The following MTUS2 variants were observed in gnomAD, a reference collection of about 807,000 sequenced individuals.
MTUS2 encodes microtubule-associated tumor suppressor candidate 2.
A neutral mutation model predicts 114.1 loss-of-function variants in MTUS2; 40 were observed. That is an observed-to-expected ratio of 0.35 (90% CI 0.27 to 0.46). The LOEUF is 0.46. MTUS2 is among the 20% of genes least tolerant of loss of function. MTUS2 has a pLI of 1.00. For synonymous variants in MTUS2, 688 were observed against 672.0 expected (o/e 1.02, Z -0.37); for missense variants, 1,679 against 1,705.4 (o/e 0.98, Z 0.27).
chr13:29,168,070 T>C (rs1488724072), intron 5 of MTUS2, among the ~76,000 whole-genome samples: 4 of 152,340 alleles, frequency 2.6e-5, no homozygotes, highest in African/African-American at 9.6e-5. Context: ...ACACATTTAA[T>C]GTTTATATTA....
At chr13:29,397,333 C>G (rs1873981349) in intron 8 of MTUS2, among the ~76,000 whole-genome samples, 1 of 152,206 alleles carries the variant, frequency 6.6e-6, no homozygotes, top group South Asian at 2.1e-4. Flanking sequence ...CCTGCAGTCC[C>G]TCTTCAATGC....
chr13:29,359,611 C>T, intron 8 of MTUS2, 138 bp downstream of exon 8: 1 of 941,810 alleles, frequency 1.1e-6, no homozygotes, highest in Non-Finnish European at 1.6e-6. Context: ...GGAGTTCAGG[C>T]AGAATCTCCT....
rs966572449 is a variant in MTUS2, at chr13:29,318,242, A to G, written c.2807-6371A>G. Among the ~76,000 whole-genome samples, 5 of 150,470 alleles carry G rather than the reference A, an allele frequency of 3.3e-5. No homozygotes were observed. In the South Asian group the frequency reaches 1.0e-3, roughly 31 times the overall value. ...CTATTGTATGTGAGATTAAGAGCCT[A>G]TAAAAATGTTTTAGGTTTTTTTTTT... On this transcript the variant is annotated intron_variant, in intron 6 of 15. Transcript: ENST00000612955.
chr13:29,157,791 G>T (rs1035443561), intron 5 of MTUS2, among the ~76,000 whole-genome samples: 3 of 151,678 alleles, frequency 2.0e-5, no homozygotes, highest in African/African-American at 4.8e-5. Context: ...TATATATATA[G>T]ATAGATAGAT....
intron 8 of MTUS2, 101 bp downstream of exon 8, chr13:29,359,574 T>TCGA (rs1870059701): frequency 1.5e-6 from 2 of 1,344,818 alleles, no homozygotes; most frequent in Non-Finnish European, 2.0e-6. Context: ...GGTTTGAGTT[T>TCGA]TGATCAGAGT....
At chr13:29,198,360 C>T (rs1593590349) in intron 5 of MTUS2, among the ~76,000 whole-genome samples, 1 of 152,048 alleles carries the variant, frequency 6.6e-6, no homozygotes, top group Non-Finnish European at 1.5e-5. Context: ...TGTCAGGTTT[C>T]TCAAAGACCA....
At chr13:28,891,690 C>G (rs1878932482) in intron 2 of MTUS2, among the ~76,000 whole-genome samples, 1 of 151,728 alleles carries the variant, frequency 6.6e-6, no homozygotes, top group Non-Finnish European at 1.5e-5. Flanking sequence ...CTACCCTGAC[C>G]AACATGGTGA....
chr13:28,918,224 C>G (rs760833012), intron 2 of MTUS2, among the ~76,000 whole-genome samples: 2 of 151,844 alleles, frequency 1.3e-5, no homozygotes, highest in Non-Finnish European at 1.5e-5. Flanking sequence ...TCAGATGTTT[C>G]TTTGTTGATT....
intron 2 of MTUS2, among the ~76,000 whole-genome samples, chr13:28,995,945 T>C (rs1417198799): frequency 6.6e-6 from 1 of 152,064 alleles, no homozygotes; most frequent in Non-Finnish European, 1.5e-5. Flanking sequence ...TGAATAGGAG[T>C]GGTGACAGAG....
intron 2 of MTUS2, among the ~76,000 whole-genome samples, chr13:28,896,916 G>T (rs1879308923): frequency 6.6e-6 from 1 of 152,178 alleles, no homozygotes; most frequent in South Asian, 2.1e-4. Flanking sequence ...ATGGATTTAA[G>T]ACTTACATGT....
chr13:29,273,622 G>T (rs1297075982), intron 5 of MTUS2, among the ~76,000 whole-genome samples: 1 of 152,102 alleles, frequency 6.6e-6, no homozygotes, highest in Non-Finnish European at 1.5e-5. Flanking sequence ...ATATTCACAA[G>T]GTTATGCAAT....
At chr13:29,141,999 A>G (rs975183850) in intron 5 of MTUS2, among the ~76,000 whole-genome samples, 2 of 151,842 alleles carry the variant, frequency 1.3e-5, no homozygotes, top group Middle Eastern at 6.8e-3. Context: ...AGCTGGGACT[A>G]CAGGCACCCA....
chr13:28,857,868 T>C (rs928771092), intron 2 of MTUS2, among the ~76,000 whole-genome samples: 1 of 152,192 alleles, frequency 6.6e-6, no homozygotes. Flanking sequence ...TTCCATTCTT[T>C]CCAGAGATCC....
intron 5 of MTUS2, among the ~76,000 whole-genome samples, chr13:29,272,925 G>T (rs1310456040): frequency 1.3e-5 from 2 of 152,190 alleles, no homozygotes; most frequent in African/African-American, 4.8e-5. Context: ...TCTATTGAGG[G>T]CTGCACCCTC....
intron 5 of MTUS2, among the ~76,000 whole-genome samples, chr13:29,227,014 T>C (rs1286170456): frequency 2.0e-5 from 3 of 152,084 alleles, no homozygotes; most frequent in African/African-American, 7.2e-5. Flanking sequence ...TCCTAGCACT[T>C]TGGGAGGCTG....
At chr13:29,033,282 G>A (rs534514104) in intron 3 of MTUS2, among the ~76,000 whole-genome samples, 1 of 152,302 alleles carries the variant, frequency 6.6e-6, no homozygotes, top group African/African-American at 2.4e-5. Flanking sequence ...GACCAGAGGA[G>A]ATAACTCAGG....
intron 1 of MTUS2, among the ~76,000 whole-genome samples, chr13:28,835,078 T>C (rs1874977276): frequency 6.6e-6 from 1 of 152,218 alleles, no homozygotes; most frequent in Admixed American, 6.5e-5. Context: ...GACTGTGCAA[T>C]GGTACAGCCA....
chr13:28,944,326 A>G (rs1272537769), intron 2 of MTUS2, among the ~76,000 whole-genome samples: 1 of 152,158 alleles, frequency 6.6e-6, no homozygotes, highest in African/African-American at 2.4e-5. Flanking sequence ...TATTTCTTCT[A>G]AGTGTATAGA....
intron 9 of MTUS2, among the ~76,000 whole-genome samples, chr13:29,450,875 C>T (rs576760897): frequency 2.1e-4 from 32 of 152,312 alleles, no homozygotes; most frequent in African/African-American, 7.7e-4. Flanking sequence ...AAAAGAGGTT[C>T]ATTTACCAAA....
Sources: gnomAD v4.1 joint callset for allele counts (sites outside exome capture counted in the v4.1 genomes callset) on GRCh38, gnomAD v4.1.1 for gene constraint, MANE v1.5 for transcripts, NCBI Gene and HGNC (gene_info 2026-07-23, HGNC 2026-07-21) for gene names.